The following SREBF1 variants were observed in gnomAD, a reference collection of about 807,000 sequenced individuals.
SREBF1 encodes sterol regulatory element-binding protein 1.
SREBF1 carries 45 observed loss-of-function variants against 100.1 expected under a neutral mutation model. The observed-to-expected ratio is 0.45, with a 90% CI of 0.35 to 0.58. SREBF1 has a LOEUF of 0.58. Among genes scored for constraint, SREBF1 ranks in the 20% least tolerant of loss-of-function variants. SREBF1 has a pLI of 0.00. For missense variants in SREBF1, 1,324 were observed against 1,539.4 expected (o/e 0.86, Z 2.34); for synonymous variants, 657 against 681.8 (o/e 0.96, Z 0.57).
At chr17:17,833,418 C>A in intron 1 of SREBF1, among the ~76,000 whole-genome samples, 1 of 44,784 alleles carries the variant, frequency 2.2e-5, no homozygotes, top group Non-Finnish European at 4.1e-5. Flanking sequence ...AAGACTCCGT[C>A]TCAAAAAAAA....
In SREBF1 at chr17:17,816,110, C is replaced by G. The variant is rs755642616; in HGVS notation, c.2215-82G>C. On this transcript the variant is annotated intron_variant, in intron 11 of 18. Transcript: ENST00000261646. ...GCCGAGTCCCAGCTTGGCCTGGAGT[C>G]CCCCTGGTAACCACTGCCACATCCC... 4 of 1,552,906 alleles carry G rather than the reference C, an allele frequency of 2.6e-6. No individual in the cohort carries two copies. The South Asian group carries it at 3.5e-5, about 13-fold the overall frequency.
chr17:17,819,267 A>G (rs763897478), intron 4 of SREBF1, 33 bp from the exon 5 acceptor site: 25 of 1,603,588 alleles, frequency 1.6e-5, no homozygotes, highest in Admixed American at 1.3e-4. Context: ...CCAGGTGGGC[A>G]TGTGTGTGTG....
chr17:17,817,330 C>T lies in SREBF1; in HGVS notation c.1532G>A (p.Gly511Glu), dbSNP rs1275714360. 7 of 1,605,258 alleles carry T rather than the reference C, an allele frequency of 4.4e-6. No homozygotes were observed. The highest frequency in any genetic ancestry group is 1.1e-5 in the South Asian group (1 of 89,848). ...NPLASLLGAR[G>E]LPSPSDTTSV... is the part of the protein sequence containing the mutation. ...GGTGGTATCTGAGGGGCTGGGAAGC[C>T]CCCGGGCCCCCAGCAAGGAGGCCAA... Residue 511 changes from glycine to glutamate, a missense_variant, in exon 8 of 19, where the codon GGG (glycine) becomes GAG (glutamate). Physicochemically the swap from Gly to Glu is moderately conservative, Grantham distance 98. Transcript: ENST00000261646. The surrounding 1 kb of genome is among the most constrained non-coding windows in gnomAD (Gnocchi z 6.6).
chr17:17,817,353 C>A lies in SREBF1; in HGVS notation c.1509G>T (p.Leu503Phe). The change falls in exon 8 of 19, where the codon TTG (leucine) becomes TTT (phenylalanine). Residue 503 changes from leucine to phenylalanine, a missense_variant. Physicochemically the swap from Leu to Phe is conservative, Grantham distance 22. Coordinates refer to ENST00000261646, the MANE Select transcript of SREBF1 (RefSeq NM_004176.5). This position sits in a 1 kb window ranked among gnomAD's most constrained non-coding sequence, Gnocchi z 6.6. Reference protein sequence around the residue: ...LVFLCLSCNPLASLLGARGLP... With the variant: ...LVFLCLSCNPFASLLGARGLP... ...GCCCCCGGGCCCCCAGCAAGGAGGC[C>A]AAGGGGTTGCAGGACAGGCAGAGGA... 1 of 1,607,694 alleles carries A rather than the reference C, an allele frequency of 6.2e-7. No individual in the cohort carries two copies. Among genetic ancestry groups the A allele is most frequent in the Non-Finnish European group, 8.5e-7 (1 of 1,178,034 alleles).
chr17:17,829,361 G>C (rs935664764), intron 1 of SREBF1, among the ~76,000 whole-genome samples: 1 of 151,008 alleles, frequency 6.6e-6, no homozygotes, highest in African/African-American at 2.4e-5. Context: ...AGATGTTTTC[G>C]AGCTGCCAGG....
intron 1 of SREBF1, among the ~76,000 whole-genome samples, 164 bp downstream of exon 1, chr17:17,836,563 G>C (rs185414313): frequency 6.6e-6 from 1 of 152,200 alleles, no homozygotes; most frequent in African/African-American, 2.4e-5. Context: ...GAACCAGGGA[G>C]GCTCGGTGAG....
At chr17:17,818,126 C>G (rs1194839345) in intron 6 of SREBF1, 134 bp downstream of exon 6, 1 of 821,556 alleles carries the variant, frequency 1.2e-6, no homozygotes, top group African/African-American at 1.9e-5. Context: ...AGGGCTACAG[C>G]CAAGGGTGAG....
intron 1 of SREBF1, among the ~76,000 whole-genome samples, chr17:17,833,718 C>T (rs1439572003): frequency 2.6e-5 from 4 of 152,008 alleles, no homozygotes; most frequent in Admixed American, 2.6e-4. Flanking sequence ...CATGGTGGTT[C>T]ATGCCCTGTA....
rs1472804945 is a variant in SREBF1, at chr17:17,811,734, TCA to T, written c.*886_*887del. ...AGGGAGACCCAAGCTGTAGCTCCTG[TCA>T]CACAACAGGTCCTGGAAGTCAGTCC... On this transcript the variant is annotated 3_prime_UTR_variant, in exon 19 of 19. Coordinates refer to ENST00000261646, the MANE Select transcript of SREBF1 (RefSeq NM_004176.5). The T allele has an allele frequency of 6.6e-6, 3 of 454,882 alleles. No homozygotes were observed. The highest frequency in any genetic ancestry group is 1.3e-5 in the Non-Finnish European group (3 of 226,308). The allele number at this position is 454,882 out of a possible 1,614,324, so 28.2% of individuals were successfully genotyped here. A position where few individuals can be genotyped will look rare whatever the true frequency, so the allele number is the denominator to read the frequency against.
chr17:17,834,027 C>CAGAGAGAGAG (rs58189290), intron 1 of SREBF1, among the ~76,000 whole-genome samples: 1 of 148,008 alleles, frequency 6.8e-6, no homozygotes, highest in African/African-American at 2.5e-5. Context: ...TATAAACACA[C>CAGAGAGAGAG]AGAGAGAGAG....
Position 17,820,457 on chromosome 17 carries a change from A to C in SREBF1, c.156T>G (p.Ala52=). 2 of 1,614,070 alleles carry C rather than the reference A, an allele frequency of 1.2e-6. No homozygotes were observed. Among genetic ancestry groups the C allele is most frequent in the Non-Finnish European group, 1.7e-6 (2 of 1,179,998 alleles). ...GGTCTGTGCCCCCTGCCCCACTCCC[A>C]GCATAGGGTGGGTCAAATAGGCCAG... ...DFPGLFDPPY[A]GSGAGGTDPA... Residue 52 remains alanine (A), a synonymous_variant, in exon 2 of 19, where the codon GCT becomes GCG. Transcript: ENST00000261646.
intron 18 of SREBF1, 61 bp from the exon 19 acceptor site, chr17:17,812,912 C>T: frequency 1.4e-6 from 2 of 1,406,318 alleles, no homozygotes; most frequent in Non-Finnish European, 1.9e-6. Flanking sequence ...CGCGGGAGCC[C>T]TGCCCACACA....
At chr17:17,836,235 A>ACGAGGCGGGGGAAGGGCG (rs1281142937) in intron 1 of SREBF1, among the ~76,000 whole-genome samples, 62 of 152,268 alleles carry the variant, frequency 4.1e-4, no homozygotes, top group African/African-American at 1.4e-3. Flanking sequence ...AGAACCCGAC[A>ACGAGGCGGGGGAAGGGCG]CGAGGCGGGG....
intron 1 of SREBF1, chr17:17,823,656 C>T: frequency 1.6e-6 from 2 of 1,212,166 alleles, no homozygotes; most frequent in Non-Finnish European, 2.3e-6. Flanking sequence ...TGCGGCGCGC[C>T]CGCCCCGCCC....
Position 17,817,922 on chromosome 17 carries a change from G to A in SREBF1, c.1184-6C>T. 2 of 1,600,148 alleles carry A rather than the reference G, an allele frequency of 1.2e-6. No homozygotes were observed. Among genetic ancestry groups the A allele is most frequent in the South Asian group, 1.1e-5 (1 of 91,070 alleles). ...CACCAGATCCTTCAGAGATTCTGTG[G>A]GCCGAAAGGAACAGAGCCAGGAGTA... On this transcript the variant is annotated splice_region_variant and splice_polypyrimidine_tract_variant and intron_variant, in intron 6 of 18. Coordinates refer to ENST00000261646, the MANE Select transcript of SREBF1 (RefSeq NM_004176.5). The surrounding 1 kb of genome is among the most constrained non-coding windows in gnomAD (Gnocchi z 6.6).
chr17:17,831,715 C>G (rs1434903022), intron 1 of SREBF1, among the ~76,000 whole-genome samples: 1 of 152,214 alleles, frequency 6.6e-6, no homozygotes, highest in East Asian at 1.9e-4. Flanking sequence ...CCTCCCCCGA[C>G]AGCTGCAAGG....
chr17:17,818,568 A>C, intron 5 of SREBF1, 194 bp from the exon 6 acceptor site: 1 of 621,576 alleles, frequency 1.6e-6, no homozygotes, highest in Non-Finnish European at 3.0e-6. Context: ...ATAGGGTTAG[A>C]ATGTAAGATG....
In SREBF1 at chr17:17,815,336, AGAG is replaced by A. The variant is rs994905034; in HGVS notation, c.2384-10_2384-8del. The A allele has an allele frequency of 5.0e-6, 8 of 1,611,694 alleles. No homozygotes were observed. Among genetic ancestry groups the A allele is most frequent in the Non-Finnish European group, 5.1e-6 (6 of 1,178,566 alleles). On this transcript the variant is annotated splice_polypyrimidine_tract_variant and splice_region_variant and intron_variant, in intron 12 of 18. Coordinates refer to ENST00000261646, the MANE Select transcript of SREBF1 (RefSeq NM_004176.5). ...ACCTGGGCCAGGGGGTCCACTGTGG[AGAG>A]GAGGAGGTGAGTGGGGTGGGGAGCA...
At chr17:17,821,650 T>C (rs2034113328) in intron 1 of SREBF1, among the ~76,000 whole-genome samples, 1 of 152,164 alleles carries the variant, frequency 6.6e-6, no homozygotes, top group African/African-American at 2.4e-5. Flanking sequence ...AGGATTGCCT[T>C]GAGGCCCTGA....
Sources: allele counts gnomAD v4.1 joint callset (sites outside exome capture counted in the v4.1 genomes callset), GRCh38; gene constraint gnomAD v4.1.1; non-coding constraint Gnocchi (gnomAD v3.1); transcripts MANE v1.5; gene names NCBI Gene and HGNC (gene_info 2026-07-23, HGNC 2026-07-21).